Variants in GPD1L observed in about 807,000 individuals in gnomAD.
GPD1L encodes glycerol-3-phosphate dehydrogenase 1 like.
In GPD1L, 17 loss-of-function variants were observed where a neutral mutation model predicts 32.9. The ratio of observed to expected loss-of-function variants is 0.52; its 90% CI spans 0.35 to 0.78. The LOEUF is 0.78. GPD1L is among the 30% of genes least tolerant of loss of function. The pLI is 0.01. For synonymous variants in GPD1L, 187 were observed against 165.9 expected, an observed-to-expected ratio of 1.13 and a Z score of -0.98; for missense variants, 361 against 447.8, an observed-to-expected ratio of 0.81 and a Z score of 1.75.
chr3:32,120,555 G>T (rs770629878), intron 1 of GPD1L, among the ~76,000 whole-genome samples: 2 of 152,092 alleles, frequency 1.3e-5, no homozygotes, highest in African/African-American at 2.4e-5. Context: ...ACCATCATTG[G>T]GTCTTGGACT....
intron 5 of GPD1L, 78 bp downstream of exon 5, chr3:32,146,812 C>G: frequency 1.2e-6 from 1 of 845,240 alleles, no homozygotes. Context: ...CAAGAATGGG[C>G]TCTGTGTTCT....
chr3:32,116,186 G>A (rs772190850), intron 1 of GPD1L, among the ~76,000 whole-genome samples: 9 of 152,064 alleles, frequency 5.9e-5, no homozygotes, highest in Admixed American at 1.3e-4. Flanking sequence ...TGTGTGGGTC[G>A]TCTGTTGAAA....
chr3:32,144,777 CT>C (rs1272130955), intron 4 of GPD1L, among the ~76,000 whole-genome samples: 6 of 151,476 alleles, frequency 4.0e-5, no homozygotes, highest in Admixed American at 3.9e-4. Flanking sequence ...CCTCCGCCCC[CT>C]GGGCTCAAAT....
intron 1 of GPD1L, among the ~76,000 whole-genome samples, chr3:32,107,451 C>T (rs1290121499): frequency 6.6e-6 from 1 of 152,124 alleles, no homozygotes; most frequent in African/African-American, 2.4e-5. Flanking sequence ...CTTCTAGTAC[C>T]CTTAATCAAA....
intron 5 of GPD1L, among the ~76,000 whole-genome samples, chr3:32,149,812 G>C (rs991116708): frequency 6.6e-6 from 1 of 152,142 alleles, no homozygotes; most frequent in Non-Finnish European, 1.5e-5. Context: ...AGCTGGGCGT[G>C]GTGGTGTGTG....
intron 2 of GPD1L, among the ~76,000 whole-genome samples, chr3:32,129,776 A>T (rs59872539): frequency 0.056 from 8,593 of 152,224 alleles, 429 homozygotes; most frequent in East Asian, 0.15. Context: ...TATCTGCTGG[A>T]GAGAATAAAA....
At chr3:32,140,564 G>A (rs899717607) in intron 4 of GPD1L, among the ~76,000 whole-genome samples, 198 bp downstream of exon 4, 5 of 152,200 alleles carry the variant, frequency 3.3e-5, no homozygotes, top group African/African-American at 1.2e-4. Context: ...CCTCCAGAAT[G>A]AATATAAATG....
chr3:32,119,500 T>C (rs1700377434), intron 1 of GPD1L, among the ~76,000 whole-genome samples: 1 of 152,234 alleles, frequency 6.6e-6, no homozygotes, highest in Non-Finnish European at 1.5e-5. Context: ...TCTTTTTTCC[T>C]TTGTGGTTTC....
chr3:32,134,869 T>C (rs1194325480), intron 2 of GPD1L, among the ~76,000 whole-genome samples: 2 of 152,244 alleles, frequency 1.3e-5, no homozygotes, highest in African/African-American at 4.8e-5. Context: ...TAGATTTTTC[T>C]GATGAATACG....
chr3:32,158,249 G>A (rs549529719), intron 5 of GPD1L: 4 of 153,842 alleles, frequency 2.6e-5, no homozygotes, highest in Admixed American at 6.4e-5. Flanking sequence ...CAAACACGAT[G>A]TTGAATTAAG....
chr3:32,118,699 A>G (rs1021985911), intron 1 of GPD1L, among the ~76,000 whole-genome samples: 1 of 152,172 alleles, frequency 6.6e-6, no homozygotes, highest in Non-Finnish European at 1.5e-5. Flanking sequence ...AAAATATTGA[A>G]AAGAATTAGA....
intron 1 of GPD1L, among the ~76,000 whole-genome samples, chr3:32,118,754 A>C (rs1033806903): frequency 6.6e-6 from 1 of 152,034 alleles, no homozygotes; most frequent in Non-Finnish European, 1.5e-5. Context: ...CTCTATATTC[A>C]TTAAACGACA....
At chr3:32,120,935 G>T (rs1032969619) in intron 1 of GPD1L, among the ~76,000 whole-genome samples, 4 of 152,140 alleles carry the variant, frequency 2.6e-5, no homozygotes, top group Non-Finnish European at 5.9e-5. Flanking sequence ...GTTAGCTGGG[G>T]CTGGAGGCGG....
intron 2 of GPD1L, 107 bp from the exon 3 acceptor site, chr3:32,138,480 G>T: frequency 9.8e-7 from 1 of 1,015,486 alleles, no homozygotes. Flanking sequence ...TCTGTGCAAT[G>T]CTCTGCACAT....
At chr3:32,136,673 T>C (rs1700664609) in intron 2 of GPD1L, among the ~76,000 whole-genome samples, 1 of 152,194 alleles carries the variant, frequency 6.6e-6, no homozygotes, top group Admixed American at 6.5e-5. Flanking sequence ...AAAGACATAA[T>C]AATGTGACAA....
chr3:32,165,449 A>T (rs1701133144), intron 7 of GPD1L, among the ~76,000 whole-genome samples: 2 of 152,202 alleles, frequency 1.3e-5, no homozygotes, highest in Admixed American at 6.5e-5. Context: ...CAATTTAAAA[A>T]TTTATTTTTA....
At chr3:32,146,083 CTTT>C (rs59106750) in intron 4 of GPD1L, among the ~76,000 whole-genome samples, 4 of 126,154 alleles carry the variant, frequency 3.2e-5, no homozygotes, top group African/African-American at 8.9e-5. Context: ...ATGCTTTTTT[CTTT>C]TTTTTTTTTT....
intron 7 of GPD1L, among the ~76,000 whole-genome samples, 187 bp from the exon 8 acceptor site, chr3:32,165,627 C>T (rs1701135852): frequency 6.6e-6 from 1 of 152,106 alleles, no homozygotes; most frequent in South Asian, 2.1e-4. Context: ...TCTAGGTTGC[C>T]CCAGGATCTG....
At chr3:32,143,632 T>A (rs921840215) in intron 4 of GPD1L, among the ~76,000 whole-genome samples, 1 of 152,118 alleles carries the variant, frequency 6.6e-6, no homozygotes, top group Non-Finnish European at 1.5e-5. Context: ...CACTTGGGCC[T>A]AGGAGTTTGA....
Sources: gnomAD v4.1 joint callset for allele counts (sites outside exome capture counted in the v4.1 genomes callset) on GRCh38, gnomAD v4.1.1 for gene constraint, MANE v1.5 for transcripts, NCBI Gene and HGNC (gene_info 2026-07-23, HGNC 2026-07-21) for gene names.